The following SAR1A variants were observed in gnomAD, a reference collection of about 807,000 sequenced individuals.
SAR1A encodes the protein secretion associated Ras related GTPase 1A.
A neutral mutation model predicts 22.6 loss-of-function variants in SAR1A; 6 were observed. The ratio of observed to expected loss-of-function variants is 0.27; its 90% CI spans 0.15 to 0.52. SAR1A has a LOEUF of 0.52. Ranked by LOEUF, SAR1A falls within the 20% of genes least tolerant of loss-of-function variation. The pLI, the probability that SAR1A is intolerant of heterozygous loss-of-function variation, is 0.96. For synonymous variants in SAR1A, 70 were observed against 82.2 expected (o/e 0.85, Z 0.80); for missense variants, 145 against 245.1 (o/e 0.59, Z 2.73).
chr10:70,160,544 A>G (rs1839456127), intron 4 of SAR1A, among the ~76,000 whole-genome samples: 1 of 152,228 alleles, frequency 6.6e-6, no homozygotes, highest in Non-Finnish European at 1.5e-5. Context: ...CCTAGTTAAA[A>G]TGATGAAATA....
chr10:70,156,801 C>G (rs907078182), intron 5 of SAR1A, among the ~76,000 whole-genome samples: 2 of 151,588 alleles, frequency 1.3e-5, no homozygotes, highest in Non-Finnish European at 2.9e-5. Context: ...AACAAGAATG[C>G]AAGGAGTTAT....
intron 1 of SAR1A, among the ~76,000 whole-genome samples, chr10:70,163,491 A>G (rs1252275490): frequency 1.3e-5 from 2 of 152,220 alleles, no homozygotes; most frequent in Admixed American, 6.5e-5. Context: ...CGTTGAGGCC[A>G]ATATTCATTT....
At position 70,148,681 on chromosome 10, in the gene SAR1A, T is replaced by G. The variant is rs1839292829; in HGVS notation, c.*3795A>C. Reference sequence around the variant, plus strand: ...GTGCAACCCTGTGGTCCCAAGCTACTTGGGAGGCTGAGATGGGAGGATCAC... The same window carrying G: ...GTGCAACCCTGTGGTCCCAAGCTACGTGGGAGGCTGAGATGGGAGGATCAC... On this transcript the variant is annotated 3_prime_UTR_variant, in exon 7 of 7. Transcript: ENST00000373241. 6.6e-6 allele frequency: 1 copy of G among 152,202 alleles called. No homozygotes were observed. The allele number at this position is 152,202 out of a possible 1,614,324, so 9.4% of individuals were successfully genotyped here.
At chr10:70,164,405 A>G (rs1357662184) in intron 1 of SAR1A, among the ~76,000 whole-genome samples, 1 of 152,198 alleles carries the variant, frequency 6.6e-6, no homozygotes, top group Non-Finnish European at 1.5e-5. Context: ...CAAATAAGGG[A>G]ACATCCGGGT....
chr10:70,157,128 G>C (rs564045597), intron 5 of SAR1A, among the ~76,000 whole-genome samples: 1 of 152,234 alleles, frequency 6.6e-6, no homozygotes, highest in South Asian at 2.1e-4. Context: ...TCATGGGCCA[G>C]GCGCGGTGGC....
rs568386122 is a variant in SAR1A at position 70,152,620 on chromosome 10, T to C, written c.481-28A>G. On this transcript the variant is annotated intron_variant, in intron 6 of 6. Coordinates refer to ENST00000373241, the MANE Select transcript of SAR1A (RefSeq NM_020150.5). ...AAAGGAGGCAAAACCAAGAAAGGCC[T>C]GTTAGCATCTCTGTGGTGGAAAAGA... The C allele has an allele frequency of 3.8e-5, 53 of 1,383,142 alleles. 3 individuals are homozygous for C. The South Asian group carries it at 5.3e-4, about 14-fold the overall frequency. The allele number at this position is 1,383,142 out of a possible 1,614,324, so 85.7% of individuals were successfully genotyped here.
chr10:70,156,570 G>A (rs150615034), intron 5 of SAR1A, among the ~76,000 whole-genome samples: 103 of 152,062 alleles, frequency 6.8e-4, no homozygotes, highest in African/African-American at 2.3e-3. Context: ...TACTTGGGAG[G>A]CTGAGGCAGG....
In SAR1A at chr10:70,163,653, G is replaced by A. The variant is rs1416263948; in HGVS notation, c.-16-1722C>T. ...AGTGAGCGAGCAGAGTGGTTGTGTG[G>A]TTGCGTCTCGGAAACCAGTAGCACT... On this transcript the variant is annotated intron_variant, in intron 1 of 6. Coordinates refer to ENST00000373241, the MANE Select transcript of SAR1A (RefSeq NM_020150.5). 5 of 743,724 alleles carry A rather than the reference G, an allele frequency of 6.7e-6. No homozygotes were observed. In the African/African-American group the frequency reaches 6.9e-5, roughly 10 times the overall value. The allele number at this position is 743,724 out of a possible 1,614,324, so 46.1% of individuals were successfully genotyped here.
In SAR1A at chr10:70,150,084, C is replaced by A. The variant is rs1432393104; in HGVS notation, c.*2392G>T. ...GGTGGCAAAATTCAAGTATCTCACA[C>A]GCACCCTAAATGTCTCTTCCTCTAT... On this transcript the variant is annotated 3_prime_UTR_variant, in exon 7 of 7. Transcript: ENST00000373241. 6.6e-6 allele frequency: 1 copy of A among 151,870 alleles called. No homozygotes were observed. 9.4% of individuals were successfully genotyped at this position (151,870 alleles called of 1,614,324 possible).
chr10:70,162,495 G>A (rs1839487446), intron 1 of SAR1A, among the ~76,000 whole-genome samples: 1 of 127,646 alleles, frequency 7.8e-6, no homozygotes, highest in Admixed American at 7.8e-5. Context: ...GGGGAGGGGA[G>A]GAGGGGAAGG....
chr10:70,154,049 T>A, intron 5 of SAR1A, 80 bp from the exon 6 acceptor site: 1 of 1,114,292 alleles, frequency 9.0e-7, no homozygotes, highest in South Asian at 1.6e-5. Context: ...TAATGAAAAT[T>A]CTGACTTCCA....
chr10:70,157,732 C>T (rs752730869), intron 5 of SAR1A, 32 bp downstream of exon 5: 13 of 1,508,556 alleles, frequency 8.6e-6, no homozygotes, highest in Non-Finnish European at 1.2e-5. Flanking sequence ...ACAAAATATA[C>T]ATTAAAATAC....
chr10:70,164,926 G>A (rs530396223), intron 1 of SAR1A, among the ~76,000 whole-genome samples: 29 of 152,320 alleles, frequency 1.9e-4, no homozygotes, highest in Non-Finnish European at 3.4e-4. Context: ...AGAAGTTAAT[G>A]TTGTTTTAAT....
At chr10:70,157,644 G>A (rs1451036572) in intron 5 of SAR1A, 120 bp downstream of exon 5, 1 of 650,532 alleles carries the variant, frequency 1.5e-6, no homozygotes, top group Non-Finnish European at 2.6e-6. Flanking sequence ...AGGTCTTTTT[G>A]CCAAATGTTA....
chr10:70,153,250 C>A (rs1839348218), intron 6 of SAR1A, among the ~76,000 whole-genome samples: 1 of 152,174 alleles, frequency 6.6e-6, no homozygotes, highest in Admixed American at 6.5e-5. Flanking sequence ...TCTCTCAAGC[C>A]TGCTTTTCTA....
At chr10:70,165,331 G>GCTGGAT (rs1261694264) in intron 1 of SAR1A, among the ~76,000 whole-genome samples, 20 of 151,724 alleles carry the variant, frequency 1.3e-4, no homozygotes, top group African/African-American at 4.6e-4. Flanking sequence ...TGATTTCTCT[G>GCTGGAT]CTGGATCTGG....
At chr10:70,152,738 A>G (rs908832150) in intron 6 of SAR1A, 146 bp from the exon 7 acceptor site, 4 of 634,814 alleles carry the variant, frequency 6.3e-6, no homozygotes, top group Non-Finnish European at 1.1e-5. Context: ...GGCCATATAG[A>G]TGACTTCCCC....
rs776866651 is a variant in SAR1A at position 70,160,995 on chromosome 10, A to T, written c.244+9T>A. 5.6e-6 allele frequency: 9 copies of T among 1,608,672 alleles called. No individual in the cohort carries two copies. The highest frequency in any genetic ancestry group is 6.8e-6 in the Non-Finnish European group (8 of 1,176,260). On this transcript the variant is annotated intron_variant, in intron 4 of 6. Coordinates refer to ENST00000373241, the MANE Select transcript of SAR1A (RefSeq NM_020150.5). ...CAATAAACATGCTTTCCACTGAGTCATCACTTACCTTGCTCGTGCCCACCA... is the reference window on the plus strand; with the variant it reads ...CAATAAACATGCTTTCCACTGAGTCTTCACTTACCTTGCTCGTGCCCACCA...
At chr10:70,167,805 A>C (rs1839572912) in intron 1 of SAR1A, among the ~76,000 whole-genome samples, 1 of 152,200 alleles carries the variant, frequency 6.6e-6, no homozygotes, top group East Asian at 1.9e-4. Flanking sequence ...AAAAATACTA[A>C]ATGAGGTGAT....
Sources: allele counts gnomAD v4.1 joint callset (sites outside exome capture counted in the v4.1 genomes callset), GRCh38; gene constraint gnomAD v4.1.1; transcripts MANE v1.5; gene names NCBI Gene and HGNC (gene_info 2026-07-23, HGNC 2026-07-21).